The following PKD1L3 variants were observed in gnomAD, a reference collection of about 807,000 sequenced individuals.
PKD1L3 encodes polycystin 1 like 3, transient receptor potential channel interacting.
Under a neutral mutation model 184.1 loss-of-function variants are expected in PKD1L3, and 239 were observed. The observed-to-expected ratio is 1.30, with a 90% CI of 1.17 to 1.45. The LOEUF is 1.45. PKD1L3 is among the 40% of genes most tolerant of loss of function. PKD1L3 has a pLI of 0.00. For synonymous variants in PKD1L3, 996 were observed against 778.8 expected (o/e 1.28, Z -4.64); for missense variants, 2,660 against 2,067.2 (o/e 1.29, Z -5.56).
At chr16:71,964,526 A>T (rs889777410) in intron 15 of PKD1L3, among the ~76,000 whole-genome samples, 1 of 150,806 alleles carries the variant, frequency 6.6e-6, no homozygotes, top group African/African-American at 2.4e-5. Context: ...TTTAGTAGAG[A>T]TGGGGTTTCA....
At chr16:71,967,013 A>G (rs527652178) in intron 15 of PKD1L3, 124 bp downstream of exon 15, 11 of 1,120,302 alleles carry the variant, frequency 9.8e-6, no homozygotes, top group African/African-American at 9.5e-5. Context: ...TTTGAAACTG[A>G]AATCTAATAG....
intron 2 of PKD1L3, among the ~76,000 whole-genome samples, chr16:71,996,367 T>C (rs1041079696): frequency 1.3e-5 from 2 of 149,526 alleles, no homozygotes; most frequent in African/African-American, 4.9e-5. Flanking sequence ...TTCAAGCGAT[T>C]CTCCTGCCTC....
intron 22 of PKD1L3, among the ~76,000 whole-genome samples, chr16:71,944,610 G>C (rs2038490018): frequency 6.6e-6 from 1 of 152,138 alleles, no homozygotes; most frequent in Non-Finnish European, 1.5e-5. Context: ...TTAAGCCCAG[G>C]AGTTTGATGT....
chr16:71,989,365 C>G (rs2040499890), intron 4 of PKD1L3, among the ~76,000 whole-genome samples: 1 of 152,226 alleles, frequency 6.6e-6, no homozygotes. Context: ...GTTGGCCAGG[C>G]TGGTCTCGAA....
intron 22 of PKD1L3, among the ~76,000 whole-genome samples, chr16:71,945,266 C>CTATATATATATA (rs60469321): frequency 1.9e-4 from 12 of 63,948 alleles, no homozygotes; most frequent in Admixed American, 2.1e-4. Context: ...AATTTCTTAA[C>CTATATATATATA]TATATATATA....
At chr16:71,995,641 G>A (rs1190456960) in intron 2 of PKD1L3, among the ~76,000 whole-genome samples, 1 of 152,166 alleles carries the variant, frequency 6.6e-6, no homozygotes, top group Non-Finnish European at 1.5e-5. Flanking sequence ...GTTCCCTCTT[G>A]ATGGGCATGT....
At chr16:71,952,230 C>T (rs1008313824) in intron 18 of PKD1L3, among the ~76,000 whole-genome samples, 5 of 86,530 alleles carry the variant, frequency 5.8e-5, no homozygotes, top group Admixed American at 2.0e-4. Context: ...TTTTTTGAGA[C>T]GGAGTCTTGC....
At chr16:71,949,652 C>G in intron 21 of PKD1L3, 131 bp downstream of exon 21, 2 of 845,948 alleles carry the variant, frequency 2.4e-6, no homozygotes, top group South Asian at 1.8e-5. Context: ...TACACCCAGC[C>G]TGGTTTGCCT....
At chr16:71,979,668 C>A in intron 9 of PKD1L3, 118 bp downstream of exon 9, 1 of 1,222,790 alleles carries the variant, frequency 8.2e-7, no homozygotes, top group Non-Finnish European at 1.1e-6. Flanking sequence ...GCTACATAAA[C>A]TCTCTCATCT....
chr16:71,941,090 G>T (rs1215832210), intron 24 of PKD1L3, among the ~76,000 whole-genome samples: 1 of 151,936 alleles, frequency 6.6e-6, no homozygotes, highest in African/African-American at 2.4e-5. Context: ...TTCCTGCCTT[G>T]GCCTCCCAAA....
intron 4 of PKD1L3, among the ~76,000 whole-genome samples, chr16:71,986,770 T>C (rs1483249735): frequency 2.6e-5 from 4 of 152,150 alleles, no homozygotes; most frequent in Admixed American, 1.3e-4. Flanking sequence ...GGAGCCAAGT[T>C]CCTGCGCTTG....
At chr16:71,956,641 A>T (rs1478899497) in intron 16 of PKD1L3, among the ~76,000 whole-genome samples, 1 of 152,182 alleles carries the variant, frequency 6.6e-6, no homozygotes, top group African/African-American at 2.4e-5. Context: ...ATAGAAATAG[A>T]AAGAATAGTT....
rs1258743363 is a variant in PKD1L3, at chr16:71,977,321, T to A, written c.1674A>T (p.Thr558=). 1 of 1,545,274 alleles carries A rather than the reference T, an allele frequency of 6.5e-7. No homozygotes were observed. Among genetic ancestry groups the A allele is most frequent in the East Asian group, 2.4e-5 (1 of 40,900 alleles). Residue 558 remains threonine, a synonymous_variant, in exon 11 of 30, where the codon ACA becomes ACT. Coordinates refer to ENST00000620267, the MANE Select transcript of PKD1L3 (RefSeq NM_181536.2). ...GCTGATACTGGAACCCCAGGTAGAG[T>A]GTCATTAAAAGGGGACTGTCAGGAT... is the stretch of plus-strand genomic sequence containing the variant. The part of the protein sequence containing the change: ...SIDPDSPLLM[T]LYLGFQYQPN...
chr16:71,999,025 A>G (rs2040881100), intron 1 of PKD1L3, among the ~76,000 whole-genome samples: 1 of 152,222 alleles, frequency 6.6e-6, no homozygotes, highest in Non-Finnish European at 1.5e-5. Flanking sequence ...TAATCCCAGC[A>G]CTTTTGGAGG....
intron 4 of PKD1L3, 59 bp downstream of exon 4, chr16:71,990,221 A>G: frequency 7.3e-7 from 1 of 1,374,708 alleles, no homozygotes; most frequent in Middle Eastern, 1.8e-4. Flanking sequence ...AACCAGATCT[A>G]CTAGGTATGA....
At chr16:71,973,625 G>A (rs2143655328) in intron 11 of PKD1L3, 108 bp from the exon 12 acceptor site, 1 of 999,990 alleles carries the variant, frequency 1.0e-6, no homozygotes, top group East Asian at 2.6e-5. Context: ...AGACCATGAT[G>A]AAACTAGAGT....
chr16:72,000,181 T>C lies in PKD1L3; in HGVS notation c.-203A>G, dbSNP rs2040919259. ...CAAATAGCAGAGATCAATAAAACAA[T>C]GGCCCTTTTTATCTGGGGCCCCACC... On this transcript the variant is annotated 5_prime_UTR_variant, in exon 1 of 30. Transcript: ENST00000620267. 6.6e-6 allele frequency among the ~76,000 whole-genome samples: 1 copy of C among 152,150 alleles called. No individual in the cohort carries two copies. The highest frequency in any genetic ancestry group is 2.4e-5 in the African/African-American group (1 of 41,424).
intron 22 of PKD1L3, 113 bp from the exon 23 acceptor site, chr16:71,944,283 A>G: frequency 2.0e-6 from 2 of 1,024,278 alleles, no homozygotes; most frequent in Non-Finnish European, 2.9e-6. Flanking sequence ...AACAAGGAAT[A>G]AAACTACCTA....
intron 7 of PKD1L3, among the ~76,000 whole-genome samples, chr16:71,981,542 T>A: frequency 1.0e-4 from 1 of 9,552 alleles, no homozygotes; most frequent in South Asian, 8.6e-3. Context: ...ATTCTTTTTT[T>A]TTTTTTTTTT....
Sources: gnomAD v4.1 joint callset for allele counts (sites outside exome capture counted in the v4.1 genomes callset) on GRCh38, gnomAD v4.1.1 for gene constraint, MANE v1.5 for transcripts, NCBI Gene and HGNC (gene_info 2026-07-23, HGNC 2026-07-21) for gene names.